Variants in CNTNAP2 observed in about 807,000 individuals in gnomAD.
CNTNAP2 encodes contactin associated protein 2, also known as contactin-associated protein-like 2.
Under a neutral mutation model 155.2 loss-of-function variants are expected in CNTNAP2, and 98 were observed. The observed-to-expected ratio is 0.63, with a 90% CI of 0.54 to 0.75. The LOEUF (loss-of-function observed/expected upper bound fraction) is 0.75, where lower values mean the gene tolerates loss of function less well. Among genes scored for constraint, CNTNAP2 ranks in the 30% least tolerant of loss-of-function variants. The pLI is 0.00. For synonymous variants in CNTNAP2, 651 were observed against 631.2 expected, an observed-to-expected ratio of 1.03 and a Z score of -0.47; for missense variants, 1,727 against 1,688.1, an observed-to-expected ratio of 1.02 and a Z score of -0.40.
intron 18 of CNTNAP2, among the ~76,000 whole-genome samples, chr7:148,202,343 T>C (rs1372127583): frequency 6.6e-6 from 1 of 152,150 alleles, no homozygotes; most frequent in Non-Finnish European, 1.5e-5. Flanking sequence ...ATATACATAA[T>C]TTCTGGGGAA....
chr7:147,361,896 T>C (rs571576365), intron 9 of CNTNAP2, among the ~76,000 whole-genome samples: 2 of 152,248 alleles, frequency 1.3e-5, no homozygotes, highest in South Asian at 4.1e-4. Flanking sequence ...CTGCATGATA[T>C]CAGATGGCTA....
At chr7:148,020,436 G>A (rs1232641557) in intron 15 of CNTNAP2, among the ~76,000 whole-genome samples, 1 of 152,012 alleles carries the variant, frequency 6.6e-6, no homozygotes, top group Non-Finnish European at 1.5e-5. Context: ...TATATAATAT[G>A]GCAAAATAAA....
At chr7:147,267,024 C>T (rs1214492219) in intron 8 of CNTNAP2, among the ~76,000 whole-genome samples, 1 of 152,172 alleles carries the variant, frequency 6.6e-6, no homozygotes, top group African/African-American at 2.4e-5. Flanking sequence ...AACCCATCTA[C>T]ACTCAAGCTT....
intron 1 of CNTNAP2, among the ~76,000 whole-genome samples, chr7:146,508,666 G>A (rs1797421626): frequency 6.6e-6 from 1 of 152,256 alleles, no homozygotes; most frequent in Non-Finnish European, 1.5e-5. Context: ...AACACAAAAC[G>A]CTCTATACCT....
At chr7:147,168,155 A>G (rs1802156511) in intron 8 of CNTNAP2, among the ~76,000 whole-genome samples, 2 of 149,506 alleles carry the variant, frequency 1.3e-5, no homozygotes, top group African/African-American at 4.9e-5. Flanking sequence ...TGTCATGCAT[A>G]TATTTATACA....
At position 146,536,154 on chromosome 7, in the gene CNTNAP2, A is replaced by AT. The variant is rs141618849; in HGVS notation, c.98-238112dup. ...TTTTGCCACCTGATGGTAGATTGTT[A>AT]TTTTTGAACCACATTTAGCAAAGGA... On this transcript the variant is annotated intron_variant, in intron 1 of 23. Coordinates refer to ENST00000361727, the MANE Select transcript of CNTNAP2 (RefSeq NM_014141.6). Among the ~76,000 whole-genome samples the AT allele has an allele frequency of 2.7e-3, 416 of 152,180 alleles. 3 individuals are homozygous for AT. Among genetic ancestry groups the AT allele is most frequent in the African/African-American group, 8.5e-3 (353 of 41,530 alleles).
chr7:147,883,872 A>G (rs1799563342), intron 13 of CNTNAP2, among the ~76,000 whole-genome samples: 1 of 152,230 alleles, frequency 6.6e-6, no homozygotes, highest in Non-Finnish European at 1.5e-5. Flanking sequence ...ATTTATCAGA[A>G]ACCAAAACAA....
At chr7:148,134,247 G>A (rs1804890368) in intron 16 of CNTNAP2, among the ~76,000 whole-genome samples, 1 of 152,172 alleles carries the variant, frequency 6.6e-6, no homozygotes, top group Admixed American at 6.5e-5. Flanking sequence ...TATGAAGAGT[G>A]GTTGATATTT....
intron 13 of CNTNAP2, among the ~76,000 whole-genome samples, chr7:147,745,775 A>AG (rs1179087137): frequency 6.6e-6 from 1 of 152,240 alleles, no homozygotes; most frequent in Non-Finnish European, 1.5e-5. Context: ...AAAGGAGGTC[A>AG]GGGGCATGCA....
rs71183016 is a variant in CNTNAP2 at position 147,560,168 on chromosome 7, C to CAAAAAAAAAAAAAAAAAAAA, written c.1778-1966_1778-1947dup. Among the ~76,000 whole-genome samples, 172 of 52,762 alleles carry CAAAAAAAAAAAAAAAAAAAA rather than the reference C, an allele frequency of 3.3e-3. 14 individuals carry two copies. The highest frequency in any genetic ancestry group is 0.011 in the East Asian group (11 of 1,032). The allele number at this position is 52,762 out of a possible 152,430, so 34.6% of individuals were successfully genotyped here. A position where few individuals can be genotyped will look rare whatever the true frequency, so the allele number is the denominator to read the frequency against. On this transcript the variant is annotated intron_variant, in intron 11 of 23. Transcript: ENST00000361727. ...GGGCAACAAGAACGAAACTCCGTCT[C>CAAAAAAAAAAAAAAAAAAAA]AAAAAAAAAAAAAAAAAAAAAAATT...
intron 5 of CNTNAP2, among the ~76,000 whole-genome samples, chr7:147,110,286 T>C (rs541965670): frequency 6.6e-6 from 1 of 152,326 alleles, no homozygotes; most frequent in African/African-American, 2.4e-5. Flanking sequence ...TAGGATTTAC[T>C]TAAAGCTAAA....
At chr7:146,764,800 A>G (rs1386500701) in intron 1 of CNTNAP2, among the ~76,000 whole-genome samples, 3 of 152,178 alleles carry the variant, frequency 2.0e-5, no homozygotes, top group Non-Finnish European at 4.4e-5. Context: ...AAACATAGCT[A>G]TTAGACAAAC....
At chr7:146,824,294 G>T (rs950806133) in intron 2 of CNTNAP2, among the ~76,000 whole-genome samples, 3 of 152,026 alleles carry the variant, frequency 2.0e-5, no homozygotes, top group African/African-American at 7.2e-5. Flanking sequence ...TCATTGATGG[G>T]CATTTGGGTT....
At chr7:148,001,332 C>T (rs1046051117) in intron 15 of CNTNAP2, among the ~76,000 whole-genome samples, 3 of 152,184 alleles carry the variant, frequency 2.0e-5, no homozygotes, top group South Asian at 2.1e-4. Context: ...CAGCTCTTTG[C>T]GGATAACATG....
intron 17 of CNTNAP2, among the ~76,000 whole-genome samples, chr7:148,161,983 GAT>G (rs1446185984): frequency 6.6e-6 from 1 of 152,094 alleles, no homozygotes; most frequent in Non-Finnish European, 1.5e-5. Flanking sequence ...ATCCCTCACG[GAT>G]CCATCCCAGG....
At chr7:147,619,370 T>C (rs886400906) in intron 12 of CNTNAP2, among the ~76,000 whole-genome samples, 13 of 152,232 alleles carry the variant, frequency 8.5e-5, no homozygotes, top group African/African-American at 3.1e-4. Flanking sequence ...AGAGTGTAAA[T>C]ACATGTTTTG....
intron 3 of CNTNAP2, among the ~76,000 whole-genome samples, chr7:146,900,207 T>A (rs559940339): frequency 6.6e-6 from 1 of 152,330 alleles, no homozygotes; most frequent in African/African-American, 2.4e-5. Flanking sequence ...ATCGGGATAT[T>A]TTTTAGTGTT....
intron 1 of CNTNAP2, among the ~76,000 whole-genome samples, chr7:146,118,660 T>C (rs1338795307): frequency 6.6e-6 from 1 of 152,102 alleles, no homozygotes; most frequent in Non-Finnish European, 1.5e-5. Flanking sequence ...CTGCCATGAG[T>C]AGCAAATGGA....
At chr7:147,932,365 G>A (rs1364977419) in intron 14 of CNTNAP2, among the ~76,000 whole-genome samples, 2 of 152,158 alleles carry the variant, frequency 1.3e-5, no homozygotes, top group African/African-American at 4.8e-5. Context: ...CATAAAGACA[G>A]CTTTATAGAC....
Sources: gnomAD v4.1 joint callset for allele counts (sites outside exome capture counted in the v4.1 genomes callset) on GRCh38, gnomAD v4.1.1 for gene constraint, MANE v1.5 for transcripts, NCBI Gene and HGNC (gene_info 2026-07-23, HGNC 2026-07-21) for gene names.